CYP2J2: variants seen among roughly 807,000 people sequenced by gnomAD.
CYP2J2 encodes cytochrome P450 2J2.
In CYP2J2, 41 loss-of-function variants were observed where a neutral mutation model predicts 48.8. The ratio of observed to expected loss-of-function variants is 0.84; its 90% CI spans 0.66 to 1.09. The LOEUF (loss-of-function observed/expected upper bound fraction) is 1.09, where lower values mean the gene tolerates loss of function less well. CYP2J2 is among the 50% of genes least tolerant of loss of function. CYP2J2 has a pLI of 0.00. For missense variants in CYP2J2, 644 were observed against 617.3 expected, an observed-to-expected ratio of 1.04 and a Z score of -0.46; for synonymous variants, 221 against 227.1, an observed-to-expected ratio of 0.97 and a Z score of 0.24.
the CYP2J2 span, among the ~76,000 whole-genome samples, chr1:59,939,388 A>C: frequency 6.6e-6 from 1 of 152,190 alleles, no homozygotes; most frequent in African/African-American, 2.4e-5. Flanking sequence ...TCTCAGGCTT[A>C]CAAGTAAAAA....
intron 8 of CYP2J2, among the ~76,000 whole-genome samples, chr1:59,895,836 C>T (rs538208552): frequency 6.6e-6 from 1 of 152,278 alleles, no homozygotes; most frequent in African/African-American, 2.4e-5. Context: ...AAAATTCTGT[C>T]ATTTCTTCCA....
the CYP2J2 span, among the ~76,000 whole-genome samples, chr1:59,931,930 C>A: frequency 1.3e-5 from 2 of 152,140 alleles, no homozygotes; most frequent in African/African-American, 2.4e-5. Context: ...CTTACATCTT[C>A]TTCCACAACA....
chr1:59,960,613 C>T, the CYP2J2 span, among the ~76,000 whole-genome samples: 3 of 152,266 alleles, frequency 2.0e-5, no homozygotes, highest in Non-Finnish European at 2.9e-5. Flanking sequence ...TAGGCGGAGG[C>T]GGGTGGATCA....
intron 5 of CYP2J2, 113 bp from the exon 6 acceptor site, chr1:59,908,040 A>G (rs1471149881): frequency 6.6e-6 from 7 of 1,054,652 alleles, no homozygotes; most frequent in Non-Finnish European, 9.9e-6. Flanking sequence ...GGTCCCCAAA[A>G]GAAACAATTT....
At chr1:59,913,449 C>T (rs368980503) in intron 2 of CYP2J2, among the ~76,000 whole-genome samples, 7 of 152,182 alleles carry the variant, frequency 4.6e-5, no homozygotes, top group East Asian at 1.9e-4. Flanking sequence ...ATTTTGAATT[C>T]GGCATATCCA....
chr1:59,925,197 C>G (rs1188553871), intron 1 of CYP2J2, among the ~76,000 whole-genome samples: 1 of 152,094 alleles, frequency 6.6e-6, no homozygotes, highest in African/African-American at 2.4e-5. Context: ...CTCAACTGTC[C>G]TTTGAAACTT....
chr1:59,958,568 C>G, the CYP2J2 span, among the ~76,000 whole-genome samples: 22 of 152,138 alleles, frequency 1.4e-4, no homozygotes, highest in Non-Finnish European at 2.9e-4. Flanking sequence ...AGCCCCAGTC[C>G]CCTCCACTCC....
At chr1:59,916,134 G>C (rs760342409) in intron 1 of CYP2J2, 34 bp from the exon 2 acceptor site, 1 of 1,572,030 alleles carries the variant, frequency 6.4e-7, no homozygotes, top group South Asian at 1.1e-5. Flanking sequence ...AGTTGAATAT[G>C]CACATGTCCA....
upstream of CYP2J2, among the ~76,000 whole-genome samples, chr1:59,927,810 T>C (rs184886478): frequency 6.6e-6 from 1 of 152,196 alleles, no homozygotes; most frequent in Admixed American, 6.5e-5. Context: ...TGACCATAGG[T>C]GATCTGCCCA....
chr1:59,916,921 G>A (rs997820815), intron 1 of CYP2J2, among the ~76,000 whole-genome samples: 4 of 152,042 alleles, frequency 2.6e-5, no homozygotes, highest in Admixed American at 6.6e-5. Context: ...ATAACTATCT[G>A]TTTAACCAAA....
intron 2 of CYP2J2, among the ~76,000 whole-genome samples, chr1:59,914,773 C>G (rs1202764240): frequency 6.6e-6 from 1 of 152,170 alleles, no homozygotes; most frequent in Admixed American, 6.5e-5. Context: ...TGACCGACCC[C>G]CAGCCTGACA....
the CYP2J2 span, among the ~76,000 whole-genome samples, chr1:59,935,526 T>C: frequency 2.0e-5 from 3 of 152,192 alleles, no homozygotes; most frequent in Non-Finnish European, 4.4e-5. Context: ...CTTGAATATA[T>C]ACAAATTTTA....
chr1:59,911,173 A>C (rs2102123539), intron 4 of CYP2J2, among the ~76,000 whole-genome samples: 1 of 152,304 alleles, frequency 6.6e-6, no homozygotes, highest in Non-Finnish European at 1.5e-5. Context: ...TGAAATACTA[A>C]TCTGCATTAA....
chr1:59,910,026 A>G, intron 4 of CYP2J2, 66 bp from the exon 5 acceptor site: 4 of 1,217,500 alleles, frequency 3.3e-6, no homozygotes, highest in Non-Finnish European at 4.7e-6. Flanking sequence ...TTAAGACAAC[A>G]GAAACCATCT....
At chr1:59,967,506 A>G in the CYP2J2 span, among the ~76,000 whole-genome samples, 1 of 152,310 alleles carries the variant, frequency 6.6e-6, no homozygotes, top group East Asian at 1.9e-4. Context: ...TTTCCTTTCC[A>G]GACTGCTGGG....
Position 59,912,209 on chromosome 1 carries a change from A to C in CYP2J2, c.476T>G (p.Ile159Ser), listed in dbSNP as rs112414284. Reference sequence around the variant, plus strand: ...AGTGAGGTGTTGGGCCTCCTCCTGAATGCGTTCCTCTAAGCTCTTCTTTCC... The same window carrying C: ...AGTGAGGTGTTGGGCCTCCTCCTGACTGCGTTCCTCTAAGCTCTTCTTTCC... ...GLGKKSLEERIQEEAQHLTEA... is the reference protein window; with the variant it reads ...GLGKKSLEERSQEEAQHLTEA... The change falls in exon 3 of 9, where the codon ATT (isoleucine) becomes AGT (serine). Residue 159 changes from isoleucine (I) to serine (S), a missense_variant. Ile to Ser is a moderately radical substitution (Grantham distance 142). Coordinates refer to ENST00000371204, the MANE Select transcript of CYP2J2 (RefSeq NM_000775.4). The C allele has an allele frequency of 1.2e-6, 2 of 1,613,894 alleles. No individual in the cohort carries two copies.
the CYP2J2 span, among the ~76,000 whole-genome samples, chr1:59,933,733 A>G: frequency 6.6e-6 from 1 of 152,210 alleles, no homozygotes. Context: ...AAAAATTAAA[A>G]GACACAAATA....
rs1644241385 is a variant in CYP2J2, at chr1:59,893,509, C to T, written c.*142G>A. The T allele has an allele frequency of 6.9e-6, 4 of 577,182 alleles. No homozygotes were observed. The East Asian group carries it at 8.7e-5, about 13-fold the overall frequency. The allele number at this position is 577,182 out of a possible 1,614,324, so 35.8% of individuals were successfully genotyped here. The stretch of plus-strand genomic sequence containing the variant: ...GAGACAGTAGAGCTGGGATTTGGAT[C>T]TAGTTTTCTCTGAGTCAAATTCCTC... On this transcript the variant is annotated 3_prime_UTR_variant, in exon 9 of 9. Transcript: ENST00000371204.
the CYP2J2 span, among the ~76,000 whole-genome samples, chr1:59,943,374 G>C: frequency 6.6e-6 from 1 of 152,202 alleles, no homozygotes; most frequent in East Asian, 1.9e-4. Context: ...GGAGGGCCTG[G>C]AAGTACAACT....
Sources: gnomAD v4.1 joint callset for allele counts (sites outside exome capture counted in the v4.1 genomes callset) on GRCh38, gnomAD v4.1.1 for gene constraint, MANE v1.5 for transcripts, NCBI Gene and HGNC (gene_info 2026-07-23, HGNC 2026-07-21) for gene names.